Variants in TPM3 observed in about 807,000 individuals in gnomAD.
TPM3 encodes tropomyosin 3.
Under a neutral mutation model 43.1 loss-of-function variants are expected in TPM3, and 16 were observed. That is an observed-to-expected ratio of 0.37 (90% CI 0.25 to 0.56). The LOEUF is 0.56. TPM3 is among the 20% of genes least tolerant of loss of function. The pLI is 0.77. For missense variants in TPM3, 176 were observed against 337.2 expected (o/e 0.52, Z 3.74); for synonymous variants, 101 against 116.9 (o/e 0.86, Z 0.88).
intron 2 of TPM3, 99 bp from the exon 3 acceptor site, chr1:154,176,347 CAG>C (rs1662307465): frequency 2.6e-6 from 4 of 1,549,164 alleles, no homozygotes; most frequent in South Asian, 2.3e-5. Context: ...ATGAAAAAGC[CAG>C]AGTCTCGCAG....
intron 9 of TPM3, among the ~76,000 whole-genome samples, chr1:154,169,032 C>T (rs1023417984): frequency 6.8e-6 from 1 of 148,016 alleles, no homozygotes. Context: ...GACGGGGTTT[C>T]ACCATGTTGG....
intron 2 of TPM3, among the ~76,000 whole-genome samples, chr1:154,190,406 G>A (rs1333212724): frequency 1.3e-5 from 2 of 152,048 alleles, no homozygotes; most frequent in East Asian, 3.9e-4. Flanking sequence ...TATCTTTGCA[G>A]CAAACTTCAA....
At chr1:154,168,042 G>A in intron 9 of TPM3, 102 bp from the exon 10 acceptor site, 1 of 1,539,256 alleles carries the variant, frequency 6.5e-7, no homozygotes, top group African/African-American at 1.4e-5. Flanking sequence ...GGTGGCAGCA[G>A]GAATAATAAA....
chr1:154,185,426 G>A (rs1663373445), intron 2 of TPM3, among the ~76,000 whole-genome samples: 1 of 146,420 alleles, frequency 6.8e-6, no homozygotes, highest in Admixed American at 6.9e-5. Flanking sequence ...GCTCACACCT[G>A]TAATCCCAGC....
intron 3 of TPM3, among the ~76,000 whole-genome samples, 166 bp from the exon 4 acceptor site, chr1:154,173,367 T>A (rs1661822401): frequency 6.6e-6 from 1 of 152,198 alleles, no homozygotes; most frequent in South Asian, 2.1e-4. Context: ...TTATTTCATT[T>A]AAAATTTTTT....
intron 2 of TPM3, among the ~76,000 whole-genome samples, chr1:154,181,332 C>T (rs1282682150): frequency 6.6e-6 from 1 of 152,080 alleles, no homozygotes; most frequent in African/African-American, 2.4e-5. Context: ...TTCTGAAATC[C>T]ACCCCTCCCC....
rs1660525295 is a variant in TPM3 at position 154,162,865 on chromosome 1, T to C, written c.*5072A>G. The stretch of plus-strand genomic sequence containing the variant: ...AACAGGAGATACCACAGATCAGAGC[T>C]ATAACACCTTACTTTTCTCCCAATC... On this transcript the variant is annotated 3_prime_UTR_variant, in exon 10 of 10. Transcript: ENST00000651641. Among the ~76,000 whole-genome samples, 1 of 152,188 alleles carries C rather than the reference T, an allele frequency of 6.6e-6. No homozygotes were observed. Among genetic ancestry groups the C allele is most frequent in the Admixed American group, 6.5e-5 (1 of 15,274 alleles).
At chr1:154,159,604 C>A (rs1042768982), downstream of TPM3, among the ~76,000 whole-genome samples, 8 of 140,782 alleles carry the variant, frequency 5.7e-5, no homozygotes, top group African/African-American at 1.9e-4. Context: ...TATTCAATTT[C>A]TTCTTCTTCT....
At chr1:154,181,693 G>C (rs1391220923) in intron 2 of TPM3, among the ~76,000 whole-genome samples, 2 of 152,212 alleles carry the variant, frequency 1.3e-5, no homozygotes, top group Non-Finnish European at 2.9e-5. Flanking sequence ...GCAGAGGTGG[G>C]TGGATCACCT....
chr1:154,188,177 T>C (rs1230644757), intron 2 of TPM3, among the ~76,000 whole-genome samples: 1 of 151,552 alleles, frequency 6.6e-6, no homozygotes, highest in African/African-American at 2.4e-5. Flanking sequence ...CATCTCAGCC[T>C]CTGGAGTACG....
intron 2 of TPM3, among the ~76,000 whole-genome samples, chr1:154,190,699 ACC>A (rs1663643028): frequency 6.6e-6 from 1 of 152,160 alleles, no homozygotes; most frequent in Non-Finnish European, 1.5e-5. Flanking sequence ...AGATAAATAA[ACC>A]CATATATGGC....
chr1:154,176,173 G>A lies in TPM3; in HGVS notation c.319C>T (p.Leu107=), dbSNP rs776693308. 2.5e-6 allele frequency: 4 copies of A among 1,614,054 alleles called. No homozygotes were observed. Among genetic ancestry groups the A allele is most frequent in the African/African-American group, 2.7e-5 (2 of 74,932 alleles). ...EEELDRAQER[L]ATALQKLEEA... is the part of the protein sequence containing the mutation. ...TCCAGCTTTTGCAGGGCAGTGGCCA[G>A]GCGCTCCTGAGCACGGTCCAGCTCT... The change falls in exon 3 of 10, where the codon CTG becomes TTG. Residue 107 remains leucine, a synonymous_variant. Coordinates refer to ENST00000651641, the MANE Select transcript of TPM3 (RefSeq NM_152263.4).
At chr1:154,191,071 G>T (rs1036822638) in intron 2 of TPM3, 115 bp downstream of exon 2, 4 of 1,505,716 alleles carry the variant, frequency 2.7e-6, no homozygotes, top group Admixed American at 1.7e-5. Context: ...AAATGTATGT[G>T]AGTATATATG....
intron 5 of TPM3, 122 bp downstream of exon 5, chr1:154,172,786 C>T: frequency 2.4e-6 from 3 of 1,235,544 alleles, no homozygotes; most frequent in Non-Finnish European, 3.6e-6. Context: ...CTATAGATGA[C>T]TCCCATTCCC....
At position 154,176,356 on chromosome 1, in the gene TPM3, G is replaced by A. The variant is rs1018096222; in HGVS notation, c.244-108C>T. The A allele has an allele frequency of 1.8e-5, 27 of 1,514,228 alleles. 1 individual carries two copies. In the Admixed American group the frequency reaches 4.0e-4, roughly 22 times the overall value. 93.8% of individuals were successfully genotyped at this position (1,514,228 alleles called of 1,614,324 possible). ...ACTACCATGAAAAAGCCAGAGTCTCGCAGGGTAGAACTTGTCTTAGCTCAG... is the reference window on the plus strand; with the variant it reads ...ACTACCATGAAAAAGCCAGAGTCTCACAGGGTAGAACTTGTCTTAGCTCAG... On this transcript the variant is annotated intron_variant, in intron 2 of 9. Coordinates refer to ENST00000651641, the MANE Select transcript of TPM3 (RefSeq NM_152263.4).
chr1:154,182,218 TGTGG>T (rs1463271275), intron 2 of TPM3, among the ~76,000 whole-genome samples: 1 of 152,190 alleles, frequency 6.6e-6, no homozygotes, highest in Non-Finnish European at 1.5e-5. Flanking sequence ...TCCAGGTCAT[TGTGG>T]GTAGGGCCAG....
At chr1:154,190,562 C>G (rs1394963950) in intron 2 of TPM3, among the ~76,000 whole-genome samples, 1 of 152,172 alleles carries the variant, frequency 6.6e-6, no homozygotes, top group Non-Finnish European at 1.5e-5. Flanking sequence ...GTGGTGATAC[C>G]TTTACCCCCT....
chr1:154,155,678 C>T, downstream of TPM3: 1 of 230,806 alleles, frequency 4.3e-6, no homozygotes, highest in East Asian at 6.2e-5. Flanking sequence ...AAACTCAAAG[C>T]TGTTTCAGTA....
intron 2 of TPM3, among the ~76,000 whole-genome samples, chr1:154,184,435 T>G (rs1398711103): frequency 6.6e-6 from 1 of 152,218 alleles, no homozygotes; most frequent in Non-Finnish European, 1.5e-5. Flanking sequence ...AGCTCATGTC[T>G]GTAAGTCTAG....
Sources: allele counts gnomAD v4.1 joint callset (sites outside exome capture counted in the v4.1 genomes callset), GRCh38; gene constraint gnomAD v4.1.1; transcripts MANE v1.5; gene names NCBI Gene and HGNC (gene_info 2026-07-23, HGNC 2026-07-21).